The following IGSF11 variants were observed in gnomAD, a reference collection of about 807,000 sequenced individuals.
IGSF11 encodes the protein CXADR like 1.
IGSF11 carries 22 observed loss-of-function variants against 41.0 expected under a neutral mutation model. That is an observed-to-expected ratio of 0.54 (90% CI 0.38 to 0.77). The LOEUF (loss-of-function observed/expected upper bound fraction) is 0.77, where lower values mean the gene tolerates loss of function less well. Among genes scored for constraint, IGSF11 ranks in the 30% least tolerant of loss-of-function variants. IGSF11 has a pLI of 0.00. For missense variants in IGSF11, 444 were observed against 530.8 expected, an observed-to-expected ratio of 0.84 and a Z score of 1.61; for synonymous variants, 219 against 201.3, an observed-to-expected ratio of 1.09 and a Z score of -0.74.
At chr3:119,070,509 AT>A (rs2076381498) in intron 1 of IGSF11, among the ~76,000 whole-genome samples, 2 of 152,332 alleles carry the variant, frequency 1.3e-5, no homozygotes, top group South Asian at 4.1e-4. Context: ...CTTTAAGATG[AT>A]TTTTAAAATC....
intron 1 of IGSF11, among the ~76,000 whole-genome samples, chr3:119,114,851 A>G (rs146014834): frequency 6.6e-6 from 1 of 152,098 alleles, no homozygotes; most frequent in Non-Finnish European, 1.5e-5. Flanking sequence ...ATTTATAGAG[A>G]GGTTTAATTG....
intron 4 of IGSF11, 22 bp downstream of exon 4, chr3:118,926,079 G>GACTA (rs1472610976): frequency 5.5e-6 from 8 of 1,448,102 alleles, no homozygotes; most frequent in Non-Finnish European, 7.4e-6. Context: ...TAATAAAATG[G>GACTA]GTAAAGCAGC....
In IGSF11 at chr3:118,919,950, A is replaced by G. The variant is rs1190836884; in HGVS notation, c.580+6151T>C. Among the ~76,000 whole-genome samples the G allele has an allele frequency of 1.2e-4, 15 of 120,604 alleles. No homozygotes were observed. The South Asian group carries it at 3.5e-3, about 28-fold the overall frequency. The allele number at this position is 120,604 out of a possible 152,430, so 79.1% of individuals were successfully genotyped here. On this transcript the variant is annotated intron_variant, in intron 4 of 6. Transcript: ENST00000393775. Reference sequence around the variant, plus strand: ...CAGCCATAAAAAATGATGAGTTCATATCCTTTGTAGGGACATGGATGAAAT... The same window carrying G: ...CAGCCATAAAAAATGATGAGTTCATGTCCTTTGTAGGGACATGGATGAAAT...
chr3:119,089,036 A>G (rs1434519980), intron 1 of IGSF11, among the ~76,000 whole-genome samples: 5 of 152,168 alleles, frequency 3.3e-5, no homozygotes, highest in African/African-American at 1.2e-4. Flanking sequence ...TGCTGAAACT[A>G]TTCAAAAAAA....
At chr3:118,946,653 A>G (rs956187929) in intron 1 of IGSF11, among the ~76,000 whole-genome samples, 8 of 152,204 alleles carry the variant, frequency 5.3e-5, no homozygotes, top group Non-Finnish European at 1.2e-4. Flanking sequence ...TTACCCCATT[A>G]GTCATTCTCC....
upstream of IGSF11, among the ~76,000 whole-genome samples, chr3:119,107,422 T>G (rs2077052168): frequency 6.6e-6 from 1 of 152,238 alleles, no homozygotes; most frequent in African/African-American, 2.4e-5. Flanking sequence ...TCACCCACTT[T>G]TTGATGGGGT....
chr3:119,077,899 A>C (rs1380541504), intron 1 of IGSF11, among the ~76,000 whole-genome samples: 1 of 152,208 alleles, frequency 6.6e-6, no homozygotes, highest in African/African-American at 2.4e-5. Context: ...CCAAGCAGAG[A>C]GCCAAATCAA....
chr3:118,948,011 GC>G (rs547211433), intron 1 of IGSF11: 22 of 152,166 alleles, frequency 1.4e-4, no homozygotes, highest in Admixed American at 1.2e-3. Context: ...GACTGGTTTG[GC>G]AATTTTCTAA....
At chr3:118,996,618 T>G (rs1193575087) in intron 1 of IGSF11, among the ~76,000 whole-genome samples, 1 of 152,064 alleles carries the variant, frequency 6.6e-6, no homozygotes, top group Non-Finnish European at 1.5e-5. Context: ...TGTTTTTGTT[T>G]TTTTTGAGTC....
upstream of IGSF11, chr3:119,034,979 A>G (rs1227029134): frequency 5.4e-6 from 2 of 368,396 alleles, no homozygotes; most frequent in African/African-American, 4.4e-5. Flanking sequence ...CTCCAGCGCG[A>G]CGCCTGGCGG....
At chr3:119,071,391 G>A (rs1343779026) in intron 1 of IGSF11, among the ~76,000 whole-genome samples, 1 of 152,052 alleles carries the variant, frequency 6.6e-6, no homozygotes, top group Non-Finnish European at 1.5e-5. Flanking sequence ...ATTTAAGAAA[G>A]CATTCCTTAA....
intron 1 of IGSF11, among the ~76,000 whole-genome samples, chr3:119,088,532 AAGAG>A (rs983925832): frequency 6.6e-6 from 1 of 152,164 alleles, no homozygotes; most frequent in African/African-American, 2.4e-5. Context: ...AAAAAACAAA[AAGAG>A]AGAAAAATGA....
intron 1 of IGSF11, among the ~76,000 whole-genome samples, chr3:119,020,425 C>T (rs796088309): frequency 1.4e-4 from 22 of 152,310 alleles, no homozygotes; most frequent in African/African-American, 5.3e-4. Flanking sequence ...CTCCAAAGAA[C>T]ACATACTACC....
intron 1 of IGSF11, among the ~76,000 whole-genome samples, chr3:119,041,126 A>G (rs185061420): frequency 5.3e-4 from 81 of 152,334 alleles, no homozygotes; most frequent in African/African-American, 1.8e-3. Context: ...GGAAGTATTA[A>G]TAGAAGAAAA....
At position 118,934,613 on chromosome 3, in the gene IGSF11, C is replaced by A. The variant is rs1287474983; in HGVS notation, c.53-4338G>T. On this transcript the variant is annotated intron_variant, in intron 1 of 6. Transcript: ENST00000393775. ...ATATCCAATTGCCTCCTAGACTTCA[C>A]CATGTGGCTACCTCAAAGGCACCTC... Among the ~76,000 whole-genome samples, 2 of 152,176 alleles carry A rather than the reference C, an allele frequency of 1.3e-5. 1 individual carries two copies. Among genetic ancestry groups the A allele is most frequent in the Non-Finnish European group, 2.9e-5 (2 of 68,034 alleles).
At chr3:119,113,891 A>G (rs1484591614) in intron 1 of IGSF11, among the ~76,000 whole-genome samples, 1 of 152,240 alleles carries the variant, frequency 6.6e-6, no homozygotes, top group African/African-American at 2.4e-5. Context: ...GGAGGTTCCC[A>G]AGCCTCAACT....
chr3:118,985,726 A>G (rs569055644), intron 1 of IGSF11, among the ~76,000 whole-genome samples: 26 of 152,218 alleles, frequency 1.7e-4, no homozygotes, highest in African/African-American at 6.0e-4. Flanking sequence ...GGTCTCCTCA[A>G]TTAGTCTCCT....
At chr3:118,924,834 T>C (rs866512490) in intron 4 of IGSF11, among the ~76,000 whole-genome samples, 1 of 152,120 alleles carries the variant, frequency 6.6e-6, no homozygotes, top group Non-Finnish European at 1.5e-5. Flanking sequence ...GATACCCCTT[T>C]ATTTTTGTTT....
rs1373197207 is a variant in IGSF11 at position 118,906,316 on chromosome 3, T to C, written c.581-598A>G. On this transcript the variant is annotated intron_variant, in intron 4 of 6. Transcript: ENST00000393775. ...GCAGGGAGAGCCTCAGACTTCGGTG[T>C]AGATCTCACCACTCACTGTCAAGGG... Among the ~76,000 whole-genome samples the C allele has an allele frequency of 4.6e-5, 7 of 152,028 alleles. 1 individual carries two copies.
Sources: gnomAD v4.1 joint callset for allele counts (sites outside exome capture counted in the v4.1 genomes callset) on GRCh38, gnomAD v4.1.1 for gene constraint, MANE v1.5 for transcripts, NCBI Gene and HGNC (gene_info 2026-07-23, HGNC 2026-07-21) for gene names.